Variants in COX10 observed in about 807,000 individuals in gnomAD.
The protein encoded by COX10 is cytochrome c oxidase assembly factor heme A:farnesyltransferase COX10, also known as protoheme IX farnesyltransferase, mitochondrial.
In COX10, 27 loss-of-function variants were observed where a neutral mutation model predicts 37.3. The observed-to-expected ratio is 0.72, with a 90% CI of 0.53 to 1.00. The LOEUF is 1.00. Among genes scored for constraint, COX10 ranks in the 50% least tolerant of loss-of-function variants. The probability of loss-of-function intolerance (pLI) is 0.00; values close to 1 mark genes in which losing one functional copy is unlikely to be tolerated. For missense variants in COX10, 475 were observed against 563.2 expected, an observed-to-expected ratio of 0.84 and a Z score of 1.59; for synonymous variants, 222 against 229.1, an observed-to-expected ratio of 0.97 and a Z score of 0.28.
At chr17:14,102,945 A>T (rs912498172) in intron 4 of COX10, among the ~76,000 whole-genome samples, 29 of 152,272 alleles carry the variant, frequency 1.9e-4, no homozygotes, top group Admixed American at 1.6e-3. Flanking sequence ...TTAAAACAGG[A>T]ATTCAAGTTA....
intron 3 of COX10, 60 bp from the exon 4 acceptor site, chr17:14,102,058 G>A (rs1915793920): frequency 6.2e-7 from 1 of 1,610,338 alleles, no homozygotes; most frequent in South Asian, 1.1e-5. Context: ...TTGTCGTTCT[G>A]GCCTTTACAG....
At chr17:14,176,393 C>G (rs1905689185) in intron 5 of COX10, among the ~76,000 whole-genome samples, 1 of 152,142 alleles carries the variant, frequency 6.6e-6, no homozygotes, top group Non-Finnish European at 1.5e-5. Flanking sequence ...TCTGTTTAGC[C>G]AGGCTGCCGA....
At chr17:14,073,585 A>G (rs572493713) in intron 1 of COX10, among the ~76,000 whole-genome samples, 26 of 152,342 alleles carry the variant, frequency 1.7e-4, no homozygotes, top group African/African-American at 5.5e-4. Context: ...TAATGTTCAG[A>G]AAGAGGGAAC....
intron 5 of COX10, among the ~76,000 whole-genome samples, chr17:14,164,287 T>C (rs139573943): frequency 3.9e-5 from 6 of 152,342 alleles, no homozygotes; most frequent in Non-Finnish European, 5.9e-5. Context: ...CTTAGTGATA[T>C]GCATTTATAC....
intron 6 of COX10, among the ~76,000 whole-genome samples, chr17:14,193,573 T>A (rs1236862351): frequency 1.4e-5 from 2 of 147,270 alleles, no homozygotes; most frequent in East Asian, 2.0e-4. Flanking sequence ...TGGGAAAGAG[T>A]GCTGGGGTCC....
chr17:14,169,156 T>C (rs942958965), intron 5 of COX10, among the ~76,000 whole-genome samples: 8 of 152,238 alleles, frequency 5.3e-5, no homozygotes, highest in African/African-American at 1.4e-4. Context: ...CCAGATATCC[T>C]AAATCATCTC....
At chr17:14,185,606 T>A (rs151445) in intron 5 of COX10, among the ~76,000 whole-genome samples, 6 of 152,324 alleles carry the variant, frequency 3.9e-5, no homozygotes, top group Middle Eastern at 3.4e-3. Flanking sequence ...CCACATATTA[T>A]TTGATATATT....
At chr17:14,186,844 G>A (rs1906043787) in intron 5 of COX10, among the ~76,000 whole-genome samples, 1 of 152,130 alleles carries the variant, frequency 6.6e-6, no homozygotes, top group African/African-American at 2.4e-5. Context: ...ATACAGTTGG[G>A]AGACTCTGGG....
rs567224036 is a variant in COX10 at position 14,174,404 on chromosome 17, A to C, written c.695+14457A>C. 3.2e-3 allele frequency among the ~76,000 whole-genome samples: 480 copies of C among 150,744 alleles called. 3 individuals are homozygous for C. The highest frequency in any genetic ancestry group is 0.011 in the African/African-American group (448 of 41,052). Reference sequence around the variant, plus strand: ...AGCCCAGGAAGCAGATGTTGCAGTCAGCTAAGATGATGCCACTGCACTCAA... The same window carrying C: ...AGCCCAGGAAGCAGATGTTGCAGTCCGCTAAGATGATGCCACTGCACTCAA... On this transcript the variant is annotated intron_variant, in intron 5 of 6. Coordinates refer to ENST00000261643, the MANE Select transcript of COX10 (RefSeq NM_001303.4).
In COX10 at chr17:14,206,947, G is replaced by A. The variant is rs554973181; in HGVS notation, c.1066G>A (p.Val356Met). The change falls in exon 7 of 7, where the codon GTG becomes ATG. Residue 356 changes from valine to methionine, a missense_variant. Physicochemically the swap from Val to Met is conservative, Grantham distance 21 (BLOSUM62 1). Around this residue, in one of 5 missense-constraint regions of COX10, gnomAD observed 160 missense variants for 180.6 expected, o/e 0.89. Coordinates refer to ENST00000261643, the MANE Select transcript of COX10 (RefSeq NM_001303.4). ...SVTHPGLCRR[V>M]ALRHCLALLV... ...CACCCACCCGGGCCTGTGCCGGCGC[G>A]TGGCGCTGCGCCACTGCCTGGCCCT... 3.9e-5 allele frequency: 63 copies of A among 1,613,832 alleles called. 1 individual carries two copies. In the African/African-American group the frequency reaches 4.7e-4, roughly 12 times the overall value.
chr17:14,150,604 T>C (rs1419709143), intron 4 of COX10, among the ~76,000 whole-genome samples: 2 of 152,190 alleles, frequency 1.3e-5, no homozygotes, highest in African/African-American at 2.4e-5. Context: ...TCTGTGTTCA[T>C]AGACAACTAA....
chr17:14,197,676 G>A (rs1186681928), intron 6 of COX10, among the ~76,000 whole-genome samples: 1 of 152,218 alleles, frequency 6.6e-6, no homozygotes, highest in Non-Finnish European at 1.5e-5. Flanking sequence ...TTTTATAACT[G>A]CACAATGAAC....
In COX10 at chr17:14,154,425, AT is replaced by A. The variant is rs2142235501; in HGVS notation, c.625-5450del. Among the ~76,000 whole-genome samples, 2 of 152,340 alleles carry A rather than the reference AT, an allele frequency of 1.3e-5. 1 individual carries two copies. Among genetic ancestry groups the A allele is most frequent in the Admixed American group, 1.3e-4 (2 of 15,306 alleles). Reference sequence around the variant, plus strand: ...ATTCACTTGACCTGCTATTTTTTAAATTATGTAATTCTTGATGAGTGTTTGT... The same window carrying A: ...ATTCACTTGACCTGCTATTTTTTAAATATGTAATTCTTGATGAGTGTTTGT... On this transcript the variant is annotated intron_variant, in intron 4 of 6. Transcript: ENST00000261643.
intron 4 of COX10, among the ~76,000 whole-genome samples, chr17:14,149,518 C>G (rs1460340703): frequency 6.6e-6 from 1 of 152,184 alleles, no homozygotes; most frequent in Non-Finnish European, 1.5e-5. Flanking sequence ...GCACCCTCCC[C>G]GTGCTCACAG....
chr17:14,180,999 G>T (rs1322743677), intron 5 of COX10, among the ~76,000 whole-genome samples: 1 of 152,086 alleles, frequency 6.6e-6, no homozygotes, highest in African/African-American at 2.4e-5. Context: ...GGCAGCCATG[G>T]CAGCAGCTCA....
At chr17:14,183,550 C>T (rs1316611093) in intron 5 of COX10, among the ~76,000 whole-genome samples, 1 of 152,168 alleles carries the variant, frequency 6.6e-6, no homozygotes, top group African/African-American at 2.4e-5. Context: ...AGAGCACCAA[C>T]GTTTAAAAAA....
At chr17:14,157,010 G>A (rs2874958) in intron 4 of COX10, among the ~76,000 whole-genome samples, 73,789 of 152,040 alleles carry the variant, frequency 0.49, 19,651 homozygotes, top group East Asian at 0.62. Flanking sequence ...AGCAGCCATA[G>A]CAATACTAAG....
At position 14,207,311 on chromosome 17, in the gene COX10, A is replaced by C. The variant is rs956616845; in HGVS notation, c.*98A>C. The C allele has an allele frequency of 7.1e-7, 1 of 1,407,560 alleles. No homozygotes were observed. Among genetic ancestry groups the C allele is most frequent in the Non-Finnish European group, 9.3e-7 (1 of 1,075,780 alleles). The allele number at this position is 1,407,560 out of a possible 1,614,324, so 87.2% of individuals were successfully genotyped here. On this transcript the variant is annotated 3_prime_UTR_variant, in exon 7 of 7. Transcript: ENST00000261643. ...GAAGAGAAATTGCTGGGTTTAGAAC[A>C]AGATTATAAACGAATTCGGTGCTCA...
At chr17:14,194,946 A>T (rs1906324025) in intron 6 of COX10, among the ~76,000 whole-genome samples, 1 of 152,206 alleles carries the variant, frequency 6.6e-6, no homozygotes, top group African/African-American at 2.4e-5. Context: ...CACAAAGAGA[A>T]GTTCCCTTGG....
Sources: gnomAD v4.1 joint callset for allele counts (sites outside exome capture counted in the v4.1 genomes callset) on GRCh38, gnomAD v4.1.1 for gene constraint, gnomAD v4.1.1 regional missense constraint, MANE v1.5 for transcripts, NCBI Gene and HGNC (gene_info 2026-07-23, HGNC 2026-07-21) for gene names.